The following PRRC2A variants were observed in gnomAD, a reference collection of about 807,000 sequenced individuals.
PRRC2A encodes the protein proline rich coiled-coil 2A.
Under a neutral mutation model 224.6 loss-of-function variants are expected in PRRC2A, and 59 were observed. That is an observed-to-expected ratio of 0.26 (90% CI 0.21 to 0.33). The LOEUF is 0.33. PRRC2A is among the 10% of genes least tolerant of loss of function. The pLI is 1.00. For missense variants in PRRC2A, 3,095 were observed against 2,880.7 expected (o/e 1.07, Z -1.70); for synonymous variants, 1,194 against 1,109.5 (o/e 1.08, Z -1.51).
At position 31,625,086 on chromosome 6, in the gene PRRC2A, C is replaced by T. The variant is rs1338007661; in HGVS notation, c.464-85C>T. On this transcript the variant is annotated intron_variant, in intron 5 of 30. Coordinates refer to ENST00000376033, the MANE Select transcript of PRRC2A (RefSeq NM_004638.4). This position sits in a 1 kb window ranked among gnomAD's most constrained non-coding sequence, Gnocchi z 4.1. Reference sequence around the variant, plus strand: ...GTGCTGGGATTACAGGCGTGAGCCACCGCGCCCAGCCAGAGTCTTCCACTT... The same window carrying T: ...GTGCTGGGATTACAGGCGTGAGCCATCGCGCCCAGCCAGAGTCTTCCACTT... 1.3e-6 allele frequency: 2 copies of T among 1,489,108 alleles called. No individual in the cohort carries two copies. The highest frequency in any genetic ancestry group is 1.8e-6 in the Non-Finnish European group (2 of 1,091,720). 92.2% of individuals were successfully genotyped at this position (1,489,108 alleles called of 1,614,324 possible). A position where few individuals can be genotyped will look rare whatever the true frequency, so the allele number is the denominator to read the frequency against.
In PRRC2A at chr6:31,625,403, C is replaced by T; in HGVS notation, c.608-57C>T. ...TCACCTTCCTCCCCATCACTTTCAG[C>T]TGTGTTCACTTGTCCTCCAATCATT... is the stretch of plus-strand genomic sequence containing the variant. On this transcript the variant is annotated intron_variant, in intron 6 of 30. Coordinates refer to ENST00000376033, the MANE Select transcript of PRRC2A (RefSeq NM_004638.4). This position sits in a 1 kb window ranked among gnomAD's most constrained non-coding sequence, Gnocchi z 4.1. The T allele has an allele frequency of 1.2e-6, 2 of 1,610,938 alleles. No homozygotes were observed. Among genetic ancestry groups the T allele is most frequent in the Non-Finnish European group, 1.7e-6 (2 of 1,177,036 alleles).
In PRRC2A at chr6:31,635,185, A is replaced by G; in HGVS notation, c.5214A>G (p.Ser1738=). 1.2e-6 allele frequency: 2 copies of G among 1,612,844 alleles called. No homozygotes were observed. The highest frequency in any genetic ancestry group is 1.7e-6 in the Non-Finnish European group (2 of 1,178,848). Residue 1738 remains serine (S), a synonymous_variant, in exon 22 of 31, where the codon TCA becomes TCG. Coordinates refer to ENST00000376033, the MANE Select transcript of PRRC2A (RefSeq NM_004638.4). ...CTGGCCCCATTGGCACAGAACGATC[A>G]CAGCGTACAGACCGAGGCACAGAGC... ...LPPGPIGTER[S]QRTDRGTEPG... is the part of the protein sequence containing the mutation.
Position 31,632,646 on chromosome 6 carries a change from T to TCAGAGAGCAGTGACTTCAC in PRRC2A, c.3977_3995dup (p.Ser1332ArgfsTer4). ...AGCCAATGAGGAATGGGAGACTGCA[T>TCAGAGAGCAGTGACTTCAC]CAGAGAGCAGTGACTTCACCAGTGA... On this transcript the variant is annotated frameshift_variant, in exon 16 of 31. Coordinates refer to ENST00000376033, the MANE Select transcript of PRRC2A (RefSeq NM_004638.4). LOFTEE classifies it high-confidence loss of function. The TCAGAGAGCAGTGACTTCAC allele has an allele frequency of 6.2e-7, 1 of 1,612,990 alleles. No homozygotes were observed. The highest frequency in any genetic ancestry group is 8.5e-7 in the Non-Finnish European group (1 of 1,180,014).
Position 31,631,902 on chromosome 6 carries a change from CCTG to C in PRRC2A, c.3232_3234del (p.Ala1078del), listed in dbSNP as rs1561823120. On this transcript the variant is annotated inframe_deletion, in exon 16 of 31. Transcript: ENST00000376033. This position sits in a 1 kb window ranked among gnomAD's most constrained non-coding sequence, Gnocchi z 4.5. ...TGGGACAGGGGGACCAAACCACCCT[CCTG>C]CTCCCCGAGGCCGCACTGCCAGCGA... is the stretch of plus-strand genomic sequence containing the variant. 2 of 1,612,030 alleles carry C rather than the reference CCTG, an allele frequency of 1.2e-6. No homozygotes were observed. Among genetic ancestry groups the C allele is most frequent in the Non-Finnish European group, 1.7e-6 (2 of 1,179,638 alleles).
intron 18 of PRRC2A, 90 bp downstream of exon 18, chr6:31,634,079 C>T: frequency 6.3e-7 from 1 of 1,578,140 alleles, no homozygotes; most frequent in South Asian, 1.2e-5. Flanking sequence ...TTTCCTGTTT[C>T]TTTCACTGTG....
intron 14 of PRRC2A, 42 bp downstream of exon 14, chr6:31,629,887 C>T (rs774473994): frequency 1.9e-6 from 3 of 1,603,966 alleles, no homozygotes; most frequent in Non-Finnish European, 2.6e-6. Flanking sequence ...AAAGTCCCCT[C>T]AGTCTTAGGC....
At position 31,625,120 on chromosome 6, in the gene PRRC2A, T is replaced by C; in HGVS notation, c.464-51T>C. 1 of 1,577,962 alleles carries C rather than the reference T, an allele frequency of 6.3e-7. No individual in the cohort carries two copies. Among genetic ancestry groups the C allele is most frequent in the East Asian group, 2.3e-5 (1 of 44,326 alleles). ...GCCAGAGTCTTCCACTTTTATAGCA[T>C]GTCCTCAGGAAATGTCTTCTGTCTC... On this transcript the variant is annotated intron_variant, in intron 5 of 30. Coordinates refer to ENST00000376033, the MANE Select transcript of PRRC2A (RefSeq NM_004638.4). The surrounding 1 kb of genome is among the most constrained non-coding windows in gnomAD (Gnocchi z 4.1).
At chr6:31,622,566 C>G in intron 1 of PRRC2A, 124 bp from the exon 2 acceptor site, 1 of 497,944 alleles carries the variant, frequency 2.0e-6, no homozygotes, top group African/African-American at 2.0e-5. Context: ...CTAAGTAGAT[C>G]ATGGTTGCTT....
At position 31,631,671 on chromosome 6, in the gene PRRC2A, A is replaced by G; in HGVS notation, c.2998A>G (p.Asn1000Asp). ...AGGGGGCCCCAAGGAGACCCCACCC[A>G]ATGGAAATCTTTCCCCTGCCCCAAG... ...KLGGPKETPP[N>D]GNLSPAPRLR... is the part of the protein sequence containing the mutation. Residue 1000 changes from asparagine (N) to aspartate (D), a missense_variant, in exon 16 of 31, where the codon AAT (asparagine) becomes GAT (aspartate). Transcript: ENST00000376033. This position sits in a 1 kb window ranked among gnomAD's most constrained non-coding sequence, Gnocchi z 4.5. 21 of 1,513,616 alleles carry G rather than the reference A, an allele frequency of 1.4e-5. No individual in the cohort carries two copies. The highest frequency in any genetic ancestry group is 1.9e-5 in the Non-Finnish European group (21 of 1,132,746). The allele number at this position is 1,513,616 out of a possible 1,614,324, so 93.8% of individuals were successfully genotyped here.
Position 31,626,150 on chromosome 6 carries a change from G to T in PRRC2A, c.970G>T (p.Asp324Tyr). The change falls in exon 9 of 31, where the codon GAT becomes TAT. Residue 324 changes from aspartate to tyrosine, a missense_variant. Asp to Tyr is a radical substitution (Grantham distance 160). This residue lies in a region of PRRC2A where 287 missense variants were observed against 275.3 expected (regional missense o/e 1.04). Coordinates refer to ENST00000376033, the MANE Select transcript of PRRC2A (RefSeq NM_004638.4). ...TGATCAGTTGGATCAGGAGAATGAT[G>T]ATGGTTGGGCAGGTAAGTGGATATT... Reference protein sequence around the residue: ...EFDQLDQENDDGWAGAHEEVD... With the variant: ...EFDQLDQENDYGWAGAHEEVD... 1.2e-6 allele frequency: 2 copies of T among 1,612,648 alleles called. No individual in the cohort carries two copies. Among genetic ancestry groups the T allele is most frequent in the Non-Finnish European group, 1.7e-6 (2 of 1,179,824 alleles).
intron 12 of PRRC2A, chr6:31,628,908 T>C: frequency 3.8e-6 from 2 of 527,444 alleles, no homozygotes; most frequent in South Asian, 2.6e-5. Flanking sequence ...AGGCCAAGAC[T>C]GAAGAAAGTA....
rs1288458882 is a variant in PRRC2A, at chr6:31,625,781, C to A, written c.760-11C>A. 5 of 1,568,508 alleles carry A rather than the reference C, an allele frequency of 3.2e-6. No individual in the cohort carries two copies. The highest frequency in any genetic ancestry group is 3.5e-6 in the Non-Finnish European group (4 of 1,138,984). On this transcript the variant is annotated splice_polypyrimidine_tract_variant and intron_variant, in intron 7 of 30. Transcript: ENST00000376033. This position sits in a 1 kb window ranked among gnomAD's most constrained non-coding sequence, Gnocchi z 4.1. ...GTCCCTCTGAGCAGCTACTGTTGGA[C>A]CCTTTTACAGATGTATCCCCCATAT... is the stretch of plus-strand genomic sequence containing the variant.
Position 31,632,118 on chromosome 6 carries a change from G to A in PRRC2A, c.3445G>A (p.Ala1149Thr). Residue 1149 changes from alanine to threonine, a missense_variant, in exon 16 of 31, where the codon GCC becomes ACC. Around this residue, in one of 8 missense-constraint regions of PRRC2A, gnomAD observed 2,001 missense variants for 1,764.9 expected, o/e 1.13. Coordinates refer to ENST00000376033, the MANE Select transcript of PRRC2A (RefSeq NM_004638.4). ...PPPPGAPPSPAPARFTARGGR... is the reference protein window; with the variant it reads ...PPPPGAPPSPTPARFTARGGR... The stretch of plus-strand genomic sequence containing the variant: ...ACCACCAGGAGCCCCACCTTCACCA[G>A]CCCCAGCCCGCTTCACTGCCCGGGG... 6.4e-7 allele frequency: 1 copy of A among 1,554,868 alleles called. No individual in the cohort carries two copies. The highest frequency in any genetic ancestry group is 8.7e-7 in the Non-Finnish European group (1 of 1,150,270).
chr6:31,625,704 G>C lies in PRRC2A; in HGVS notation c.760-88G>C. ...TCTTTGACCTATGAGATAGAAGGGA[G>C]GGTGGGAGGATGATTGATAGCAGGC... On this transcript the variant is annotated intron_variant, in intron 7 of 30. Transcript: ENST00000376033. The surrounding 1 kb of genome is among the most constrained non-coding windows in gnomAD (Gnocchi z 4.1). The C allele has an allele frequency of 6.3e-7, 1 of 1,580,856 alleles. No individual in the cohort carries two copies. The highest frequency in any genetic ancestry group is 1.1e-5 in the South Asian group (1 of 90,288).
chr6:31,632,395 G>A lies in PRRC2A; in HGVS notation c.3722G>A (p.Arg1241Gln), dbSNP rs768048710. 2.8e-5 allele frequency: 45 copies of A among 1,610,382 alleles called. No homozygotes were observed. Among genetic ancestry groups the A allele is most frequent in the African/African-American group, 8.0e-5 (6 of 74,834 alleles). ...GGCATGGAAGATGGGGAGCGACCCCGAAGGAGGCGACATGGGAGGGCTCAG... is the reference window on the plus strand; with the variant it reads ...GGCATGGAAGATGGGGAGCGACCCCAAAGGAGGCGACATGGGAGGGCTCAG... ...NVGMEDGERP[R>Q]RRRHGRAQQQ... is the part of the protein sequence containing the mutation. Residue 1241 changes from arginine to glutamine, a missense_variant, in exon 16 of 31, where the codon CGA becomes CAA. Arg to Gln is a conservative substitution (Grantham distance 43). Transcript: ENST00000376033.
chr6:31,633,366 C>CT lies in PRRC2A; in HGVS notation c.4320-12dup. ...TTTAGTGGATACTGGAGCTAATGCT[C>CT]TGTTTTCTCCAGTCGTCCTCCAGAG... On this transcript the variant is annotated splice_polypyrimidine_tract_variant and intron_variant, in intron 16 of 30. Coordinates refer to ENST00000376033, the MANE Select transcript of PRRC2A (RefSeq NM_004638.4). 3.1e-6 allele frequency: 5 copies of CT among 1,608,466 alleles called. No individual in the cohort carries two copies. Among genetic ancestry groups the CT allele is most frequent in the South Asian group, 1.1e-5 (1 of 90,808 alleles).
Position 31,633,759 on chromosome 6 carries a change from G to A in PRRC2A, c.4589-100G>A, listed in dbSNP as rs527316566. 5.9e-6 allele frequency: 9 copies of A among 1,529,444 alleles called. No individual in the cohort carries two copies. In the South Asian group the frequency reaches 9.1e-5, roughly 15 times the overall value. The allele number at this position is 1,529,444 out of a possible 1,614,324, so 94.7% of individuals were successfully genotyped here. A position where few individuals can be genotyped will look rare whatever the true frequency, so the allele number is the denominator to read the frequency against. On this transcript the variant is annotated intron_variant, in intron 17 of 30. Transcript: ENST00000376033. Reference sequence around the variant, plus strand: ...GGACCCTGCTGCTGGGTGCGTTTCTGCAGGGAGCAAGGGTAGAAGAATTGG... The same window carrying A: ...GGACCCTGCTGCTGGGTGCGTTTCTACAGGGAGCAAGGGTAGAAGAATTGG...
In PRRC2A at chr6:31,635,155, GC is replaced by G; in HGVS notation, c.5189del (p.Pro1730LeufsTer44). The G allele has an allele frequency of 6.2e-7, 1 of 1,614,102 alleles. No individual in the cohort carries two copies. Among genetic ancestry groups the G allele is most frequent in the Non-Finnish European group, 8.5e-7 (1 of 1,180,000 alleles). Reference protein sequence around the residue: ...RKELPREQPLPPGPIGTERSQ... With the variant: ...RKELPREQPLXPGPIGTERSQ... ...AGGAGCTGCCCCGGGAGCAGCCTCT[GC>G]CCCCTGGCCCCATTGGCACAGAACG... On this transcript the variant is annotated frameshift_variant, in exon 22 of 31. Coordinates refer to ENST00000376033, the MANE Select transcript of PRRC2A (RefSeq NM_004638.4). LOFTEE classifies it high-confidence loss of function.
intron 3 of PRRC2A, 113 bp from the exon 4 acceptor site, chr6:31,624,148 C>A (rs537108658): frequency 1.7e-6 from 2 of 1,193,804 alleles, no homozygotes; most frequent in East Asian, 2.4e-5. Flanking sequence ...TTAATTTGTC[C>A]TTATATTTGT....
Sources: allele counts gnomAD v4.1 joint callset, GRCh38; gene constraint gnomAD v4.1.1; regional missense constraint gnomAD v4.1.1; non-coding constraint Gnocchi (gnomAD v3.1); transcripts MANE v1.5; gene names NCBI Gene and HGNC (gene_info 2026-07-23, HGNC 2026-07-21).